TAX1BP1: variants seen among roughly 807,000 people sequenced by gnomAD.
TAX1BP1 encodes Tax1 binding protein 1.
A neutral mutation model predicts 97.7 loss-of-function variants in TAX1BP1; 62 were observed. The ratio of observed to expected loss-of-function variants is 0.63; its 90% confidence interval spans 0.52 to 0.78. The LOEUF (loss-of-function observed/expected upper bound fraction) is 0.78. TAX1BP1 is among the 30% of genes least tolerant of loss of function. The probability of loss-of-function intolerance (pLI) is 0.00; values close to 1 mark genes in which losing one functional copy is unlikely to be tolerated. For synonymous variants in TAX1BP1, 340 were observed against 304.2 expected, an observed-to-expected ratio of 1.12 and a Z score of -1.23; for missense variants, 867 against 916.1, an observed-to-expected ratio of 0.95 and a Z score of 0.69.
Position 27,784,860 on chromosome 7 carries a change from G to A in TAX1BP1, c.613-303G>A, listed in dbSNP as rs200340312. ...TAGCCAGGCGTGGTGGTGGGTGCCT[G>A]TAGTCCCAACTACCTGGGAGGCTGA... On this transcript the variant is annotated intron_variant, in intron 5 of 16. Transcript: ENST00000396319. 5.9e-5 allele frequency among the ~76,000 whole-genome samples: 9 copies of A among 152,130 alleles called. No homozygotes were observed. In the East Asian group the frequency reaches 1.7e-3, roughly 29 times the overall value.
At chr7:27,782,262 A>G (rs1192659118) in intron 5 of TAX1BP1, among the ~76,000 whole-genome samples, 1 of 151,702 alleles carries the variant, frequency 6.6e-6, no homozygotes, top group Non-Finnish European at 1.5e-5. Context: ...TTTGAGATGG[A>G]GTCTTTCTCT....
At position 27,796,166 on chromosome 7, in the gene TAX1BP1, A is replaced by G; in HGVS notation, c.1585A>G (p.Lys529Glu). 1.2e-6 allele frequency: 2 copies of G among 1,600,392 alleles called. No individual in the cohort carries two copies. Among genetic ancestry groups the G allele is most frequent in the Non-Finnish European group, 8.5e-7 (1 of 1,176,412 alleles). Residue 529 changes from lysine (K) to glutamate (E), a missense_variant, in exon 12 of 17, where the codon AAA (lysine) becomes GAA (glutamate). Transcript: ENST00000396319. The part of the protein sequence containing the change: ...VTKGQVCEMT[K>E]EIADKTEKYN... ...AAAGGGGCAAGTCTGTGAAATGACCAAAGAAATTGCTGACAAAACAGAAAA... is the reference window on the plus strand; with the variant it reads ...AAAGGGGCAAGTCTGTGAAATGACCGAAGAAATTGCTGACAAAACAGAAAA...
At chr7:27,807,942 A>G (rs2391487) in intron 13 of TAX1BP1, among the ~76,000 whole-genome samples, 101 of 152,294 alleles carry the variant, frequency 6.6e-4, no homozygotes, top group Non-Finnish European at 1.0e-3. Flanking sequence ...TATCAGATTT[A>G]ACTAATAAGA....
intron 13 of TAX1BP1, among the ~76,000 whole-genome samples, chr7:27,808,669 A>G (rs1790435408): frequency 6.6e-6 from 1 of 152,180 alleles, no homozygotes; most frequent in Non-Finnish European, 1.5e-5. Flanking sequence ...AACCGGGGTC[A>G]CTGTGAGCCA....
At chr7:27,760,279 TAC>T (rs2128309985) in intron 3 of TAX1BP1, among the ~76,000 whole-genome samples, 1 of 152,238 alleles carries the variant, frequency 6.6e-6, no homozygotes, top group East Asian at 1.9e-4. Context: ...AACCAAACTA[TAC>T]TAAAATATTT....
In TAX1BP1 at chr7:27,793,144, C is replaced by G; in HGVS notation, c.1342C>G (p.His448Asp). The G allele has an allele frequency of 6.3e-7, 1 of 1,597,802 alleles. No homozygotes were observed. Among genetic ancestry groups the G allele is most frequent in the East Asian group, 2.2e-5 (1 of 44,492 alleles). Reference protein sequence around the residue: ...LKLRLQMAADHYKEKFKECQR... With the variant: ...LKLRLQMAADDYKEKFKECQR... ...ACTCCGTCTTCAGATGGCTGCAGAC[C>G]ATTATAAAGAAAAATTTAAGGAATG... Residue 448 changes from histidine (H) to aspartate (D), a missense_variant, in exon 10 of 17, where the codon CAT becomes GAT. Coordinates refer to ENST00000396319, the MANE Select transcript of TAX1BP1 (RefSeq NM_006024.7).
intron 13 of TAX1BP1, among the ~76,000 whole-genome samples, chr7:27,810,208 T>C (rs555928024): frequency 3.8e-5 from 5 of 132,130 alleles, no homozygotes; most frequent in South Asian, 2.2e-4. Flanking sequence ...CGCACAGCCC[T>C]TTTTTTTTTT....
intron 1 of TAX1BP1, among the ~76,000 whole-genome samples, chr7:27,746,873 G>C (rs1316459780): frequency 6.6e-6 from 1 of 152,044 alleles, no homozygotes; most frequent in African/African-American, 2.4e-5. Flanking sequence ...AGAAGCAGAG[G>C]GGACACAAGA....
chr7:27,775,994 C>CGTCT (rs545447598), intron 5 of TAX1BP1, among the ~76,000 whole-genome samples: 160 of 149,300 alleles, frequency 1.1e-3, no homozygotes, highest in African/African-American at 3.7e-3. Flanking sequence ...TCTGTCTGTT[C>CGTCT]GTCTGTCTGT....
At chr7:27,754,870 A>AC (rs1392674799) in intron 2 of TAX1BP1, among the ~76,000 whole-genome samples, 7 of 152,066 alleles carry the variant, frequency 4.6e-5, no homozygotes, top group African/African-American at 1.7e-4. Context: ...GGCGTAAACC[A>AC]CCCCACCTGG....
At chr7:27,783,840 A>G (rs768912849) in intron 5 of TAX1BP1, among the ~76,000 whole-genome samples, 1 of 152,192 alleles carries the variant, frequency 6.6e-6, no homozygotes, top group African/African-American at 2.4e-5. Flanking sequence ...AATCCTGAAA[A>G]TGTGCCCAAT....
At chr7:27,792,284 T>C (rs1789748490) in intron 9 of TAX1BP1, 54 bp downstream of exon 9, 2 of 1,446,800 alleles carry the variant, frequency 1.4e-6, no homozygotes, top group Non-Finnish European at 1.9e-6. Flanking sequence ...CACTATAATC[T>C]CACAAAGTAG....
At chr7:27,775,914 G>C (rs1562713922) in intron 5 of TAX1BP1, among the ~76,000 whole-genome samples, 2 of 151,986 alleles carry the variant, frequency 1.3e-5, no homozygotes, top group Admixed American at 6.6e-5. Flanking sequence ...TTTCTTGATT[G>C]CCTGCCTTAC....
chr7:27,813,232 C>G (rs951010291), intron 13 of TAX1BP1, among the ~76,000 whole-genome samples: 15 of 148,356 alleles, frequency 1.0e-4, no homozygotes, highest in African/African-American at 3.7e-4. Context: ...TAGTTCACTG[C>G]AGCCTTGACC....
At chr7:27,747,130 C>G (rs1411120162) in intron 1 of TAX1BP1, among the ~76,000 whole-genome samples, 1 of 152,108 alleles carries the variant, frequency 6.6e-6, no homozygotes, top group Non-Finnish European at 1.5e-5. Flanking sequence ...CCAGTTTTCC[C>G]CATTATTACA....
At chr7:27,797,543 C>T (rs1769730912) in intron 12 of TAX1BP1, among the ~76,000 whole-genome samples, 2 of 151,826 alleles carry the variant, frequency 1.3e-5, no homozygotes, top group South Asian at 4.1e-4. Flanking sequence ...ATAAAATTTA[C>T]ACATTAGCTT....
chr7:27,779,983 AT>A (rs1416808442), intron 5 of TAX1BP1, among the ~76,000 whole-genome samples: 5 of 152,194 alleles, frequency 3.3e-5, no homozygotes, highest in African/African-American at 1.2e-4. Context: ...TTAACTGATG[AT>A]AATTTAGATG....
rs758749517 is a variant in TAX1BP1, at chr7:27,816,883, A to C, written c.1937-7A>C. 3.7e-6 allele frequency: 6 copies of C among 1,613,438 alleles called. No individual in the cohort carries two copies. Among genetic ancestry groups the C allele is most frequent in the Non-Finnish European group, 5.1e-6 (6 of 1,179,902 alleles). On this transcript the variant is annotated splice_polypyrimidine_tract_variant and splice_region_variant and intron_variant, in intron 14 of 16. Coordinates refer to ENST00000396319, the MANE Select transcript of TAX1BP1 (RefSeq NM_006024.7). ...TTCACTCTACCTTTCCAAAAATTTT[A>C]TTACAGATGGAGCAGATGGTGCTTT... is the stretch of plus-strand genomic sequence containing the variant.
chr7:27,812,211 T>C lies in TAX1BP1; in HGVS notation c.1765-4138T>C, dbSNP rs115572545. ...CATCCTAGTGGGTGTATTAGTGTTA[T>C]CTCATTGTGGATTTTAGTTTTAATT... is the stretch of plus-strand genomic sequence containing the variant. On this transcript the variant is annotated intron_variant, in intron 13 of 16. Transcript: ENST00000396319. Among the ~76,000 whole-genome samples the C allele has an allele frequency of 3.9e-3, 587 of 152,342 alleles. 3 individuals carry two copies. The highest frequency in any genetic ancestry group is 0.013 in the African/African-American group (524 of 41,568).
Sources: gnomAD v4.1 joint callset for allele counts (sites outside exome capture counted in the v4.1 genomes callset) on GRCh38, gnomAD v4.1.1 for gene constraint, MANE v1.5 for transcripts, NCBI Gene and HGNC (gene_info 2026-07-23, HGNC 2026-07-21) for gene names.